Variants in F13B observed in about 807,000 individuals in gnomAD.
F13B encodes the protein TGase.
A neutral mutation model predicts 79.8 loss-of-function variants in F13B; 58 were observed. The ratio of observed to expected loss-of-function variants is 0.73; its 90% CI spans 0.59 to 0.90. The LOEUF is 0.90. Ranked by LOEUF, F13B falls within the 40% of genes least tolerant of loss-of-function variation. The pLI is 0.00. For missense variants in F13B, 773 were observed against 777.0 expected, an observed-to-expected ratio of 0.99 and a Z score of 0.06; for synonymous variants, 283 against 260.3, an observed-to-expected ratio of 1.09 and a Z score of -0.84.
intron 10 of F13B, among the ~76,000 whole-genome samples, chr1:197,046,392 T>A (rs1456549953): frequency 6.6e-6 from 1 of 151,950 alleles, no homozygotes; most frequent in Non-Finnish European, 1.5e-5. Context: ...AGAGCCAAAT[T>A]ATGAGTGAAC....
intron 9 of F13B, among the ~76,000 whole-genome samples, chr1:197,051,177 G>A (rs563553473): frequency 1.3e-4 from 20 of 152,194 alleles, no homozygotes; most frequent in African/African-American, 4.8e-4. Flanking sequence ...CCAAAGTGCT[G>A]GGATTACAGG....
chr1:197,055,406 T>C (rs1425637477), intron 8 of F13B, among the ~76,000 whole-genome samples: 3 of 152,062 alleles, frequency 2.0e-5, no homozygotes, highest in Non-Finnish European at 4.4e-5. Flanking sequence ...GAGGGCTGTA[T>C]ACCAGGGAGG....
At chr1:197,052,886 AG>A in intron 8 of F13B, 52 bp from the exon 9 acceptor site, 2 of 1,455,182 alleles carry the variant, frequency 1.4e-6, no homozygotes, top group Non-Finnish European at 1.9e-6. Context: ...CAAATATAAA[AG>A]TGATATTTTT....
chr1:197,040,272 T>C, intron 11 of F13B: 1 of 449,816 alleles, frequency 2.2e-6, no homozygotes, highest in South Asian at 2.9e-5. Context: ...TTGGTTTATT[T>C]TTCCATTTGC....
chr1:197,062,791 C>A lies in F13B; in HGVS notation c.265+66G>T, dbSNP rs758475298. The A allele has an allele frequency of 6.8e-6, 10 of 1,475,150 alleles. No homozygotes were observed. The East Asian group carries it at 1.8e-4, about 27-fold the overall frequency. The allele number at this position is 1,475,150 out of a possible 1,614,324, so 91.4% of individuals were successfully genotyped here. ...TTAACCGCTTTCCATTTTTATTGGA[C>A]CCCTATTTTTATATACAAATTTCTT... On this transcript the variant is annotated intron_variant, in intron 2 of 11. Coordinates refer to ENST00000367412, the MANE Select transcript of F13B (RefSeq NM_001994.3).
At chr1:197,052,250 A>G (rs1233945497) in intron 9 of F13B, among the ~76,000 whole-genome samples, 1 of 152,168 alleles carries the variant, frequency 6.6e-6, no homozygotes, top group African/African-American at 2.4e-5. Flanking sequence ...CAGAATGGCA[A>G]TTACTAAAAA....
chr1:197,038,963 T>G lies in F13B; in HGVS notation c.*415A>C, dbSNP rs2125050573. 6.6e-6 allele frequency among the ~76,000 whole-genome samples: 1 copy of G among 152,180 alleles called. No individual in the cohort carries two copies. Among genetic ancestry groups the G allele is most frequent in the South Asian group, 2.1e-4 (1 of 4,826 alleles). On this transcript the variant is annotated 3_prime_UTR_variant, in exon 12 of 12. Transcript: ENST00000367412. ...ACAGCATATAGTTTCTTATCTCTAG[T>G]GTGTTTGGCCCTTTAATAGTGACAT... is the stretch of plus-strand genomic sequence containing the variant.
chr1:197,044,073 A>G (rs919170715), intron 10 of F13B, among the ~76,000 whole-genome samples: 45 of 151,766 alleles, frequency 3.0e-4, no homozygotes, highest in African/African-American at 1.1e-3. Context: ...ATATATAGAG[A>G]GAGAGAGAGA....
intron 5 of F13B, among the ~76,000 whole-genome samples, chr1:197,058,279 C>A (rs991441447): frequency 3.3e-5 from 5 of 152,168 alleles, no homozygotes; most frequent in African/African-American, 1.2e-4. Context: ...TGTTCTTGAA[C>A]CCACGTCTGT....
chr1:197,047,348 T>C (rs1396632739), intron 10 of F13B, among the ~76,000 whole-genome samples: 1 of 152,192 alleles, frequency 6.6e-6, no homozygotes, highest in African/African-American at 2.4e-5. Context: ...GGGCAAAGGA[T>C]ACGAACAGAC....
chr1:197,065,358 G>A (rs1303503428), intron 1 of F13B, among the ~76,000 whole-genome samples: 3 of 152,084 alleles, frequency 2.0e-5, no homozygotes, highest in Non-Finnish European at 4.4e-5. Flanking sequence ...AATGAGAAAT[G>A]TGAGGAATAT....
At chr1:197,065,930 T>G (rs553045070) in intron 1 of F13B, among the ~76,000 whole-genome samples, 1 of 151,942 alleles carries the variant, frequency 6.6e-6, no homozygotes, top group Non-Finnish European at 1.5e-5. Context: ...GTCCCTGAAG[T>G]GCACAATGGG....
intron 10 of F13B, among the ~76,000 whole-genome samples, chr1:197,042,121 A>G (rs1268429014): frequency 6.6e-6 from 1 of 152,226 alleles, no homozygotes; most frequent in Non-Finnish European, 1.5e-5. Flanking sequence ...CTGAAACCAC[A>G]GAAAGTGAAA....
At chr1:197,041,741 G>C (rs1232000421) in intron 10 of F13B, among the ~76,000 whole-genome samples, 1 of 152,026 alleles carries the variant, frequency 6.6e-6, no homozygotes, top group Non-Finnish European at 1.5e-5. Context: ...CAAATTTAAT[G>C]CCTCTTCCAC....
At chr1:197,042,818 A>G (rs1403548423) in intron 10 of F13B, among the ~76,000 whole-genome samples, 1 of 135,050 alleles carries the variant, frequency 7.4e-6, no homozygotes, top group East Asian at 2.2e-4. Context: ...GAGACTGTCT[A>G]AAAAAAAAAA....
intron 9 of F13B, 85 bp downstream of exon 9, chr1:197,052,549 T>C: frequency 2.3e-6 from 2 of 851,684 alleles, no homozygotes; most frequent in Non-Finnish European, 3.7e-6. Context: ...ATAAGAAAAA[T>C]AGCAACAAAC....
In F13B at chr1:197,057,086, G is replaced by A. The variant is rs771474972; in HGVS notation, c.1098C>T (p.Ser366=). The change falls in exon 7 of 12, where the codon AGC becomes AGT. Residue 366 remains serine (S), a synonymous_variant. Transcript: ENST00000367412. ...CATTCGATCCATGGAGAAGGTAGCCGCTTTTACATGCATATGTCACTTTAT... is the reference window on the plus strand; with the variant it reads ...CATTCGATCCATGGAGAAGGTAGCCACTTTTACATGCATATGTCACTTTAT... ...NGDKVTYACK[S]GYLLHGSNEI... The A allele has an allele frequency of 3.2e-5, 52 of 1,613,576 alleles. No individual in the cohort carries two copies. The highest frequency in any genetic ancestry group is 1.6e-4 in the Middle Eastern group (1 of 6,082).
At chr1:197,048,916 A>T (rs927871842) in intron 10 of F13B, among the ~76,000 whole-genome samples, 4 of 152,136 alleles carry the variant, frequency 2.6e-5, no homozygotes, top group Non-Finnish European at 1.5e-5. Flanking sequence ...GATATAATTC[A>T]AAGTATGTCT....
chr1:197,041,599 T>G (rs1310159352), intron 10 of F13B, among the ~76,000 whole-genome samples: 1 of 57,484 alleles, frequency 1.7e-5, no homozygotes, highest in African/African-American at 3.1e-5. Flanking sequence ...CAAACTTACT[T>G]ACAGTATGCC....
Sources: allele counts gnomAD v4.1 joint callset (sites outside exome capture counted in the v4.1 genomes callset), GRCh38; gene constraint gnomAD v4.1.1; transcripts MANE v1.5; gene names NCBI Gene and HGNC (gene_info 2026-07-23, HGNC 2026-07-21).